Variants in HECTD4 observed in about 807,000 individuals in gnomAD.
HECTD4 encodes the protein probable E3 ubiquitin-protein ligase HECTD4.
Under a neutral mutation model 471.5 loss-of-function variants are expected in HECTD4, and 114 were observed. The observed-to-expected ratio is 0.24, with a 90% CI of 0.21 to 0.28. HECTD4 has a LOEUF of 0.28. Ranked by LOEUF, HECTD4 falls within the 10% of genes least tolerant of loss-of-function variation. The pLI, the probability that HECTD4 is intolerant of heterozygous loss-of-function variation, is 1.00. For missense variants in HECTD4, 3,866 were observed against 5,651.5 expected, an observed-to-expected ratio of 0.68 and a Z score of 10.13; for synonymous variants, 2,012 against 2,256.0, an observed-to-expected ratio of 0.89 and a Z score of 3.07.
At chr12:112,372,767 G>GT (rs1408728745) in intron 1 of HECTD4, among the ~76,000 whole-genome samples, 2 of 151,488 alleles carry the variant, frequency 1.3e-5, no homozygotes, top group Admixed American at 6.6e-5. Flanking sequence ...TTTTTGTTTG[G>GT]TTTTTTTGAG....
At chr12:112,198,055 G>C (rs548161950) in intron 55 of HECTD4, among the ~76,000 whole-genome samples, 1 of 152,232 alleles carries the variant, frequency 6.6e-6, no homozygotes, top group African/African-American at 2.4e-5. Flanking sequence ...GGCTGGTTTT[G>C]AACTCCTGGC....
At position 112,319,569 on chromosome 12, in the gene HECTD4, A is replaced by G; in HGVS notation, c.351T>C (p.Ser117=). ...GGGCCAAAGTTTCCTCATCACCTGA[A>G]CTTTCCCTTTCATGCTGTTCTTCTA... The part of the protein sequence containing the change: ...LALEEQHERE[S]SGDEETLALL... Residue 117 remains serine, a synonymous_variant, in exon 2 of 76, where the codon AGT becomes AGC. Coordinates refer to ENST00000682272, the MANE Select transcript of HECTD4 (RefSeq NM_001388303.1). The surrounding 1 kb of genome is among the most constrained non-coding windows in gnomAD (Gnocchi z 5.3). The G allele has an allele frequency of 7.0e-7, 1 of 1,434,422 alleles. No individual in the cohort carries two copies. Among genetic ancestry groups the G allele is most frequent in the South Asian group, 1.5e-5 (1 of 66,576 alleles). 88.9% of individuals were successfully genotyped at this position (1,434,422 alleles called of 1,614,324 possible). A position where few individuals can be genotyped will look rare whatever the true frequency, so the allele number is the denominator to read the frequency against.
chr12:112,328,012 A>G (rs2035779850), intron 1 of HECTD4, among the ~76,000 whole-genome samples: 1 of 152,210 alleles, frequency 6.6e-6, no homozygotes, highest in Non-Finnish European at 1.5e-5. Flanking sequence ...ACATTAACCA[A>G]TTCAATTCAT....
chr12:112,282,772 ACTG>A (rs1194331670), intron 8 of HECTD4, among the ~76,000 whole-genome samples: 1 of 152,232 alleles, frequency 6.6e-6, no homozygotes, highest in Non-Finnish European at 1.5e-5. Flanking sequence ...CTTGGTCAAG[ACTG>A]TATTTAGGGA....
At position 112,228,320 on chromosome 12, in the gene HECTD4, A is replaced by C. The variant is rs2033292953; in HGVS notation, c.6685-62T>G. 7.0e-7 allele frequency: 1 copy of C among 1,428,968 alleles called. No homozygotes were observed. Among genetic ancestry groups the C allele is most frequent in the East Asian group, 2.6e-5 (1 of 38,684 alleles). 88.5% of individuals were successfully genotyped at this position (1,428,968 alleles called of 1,614,324 possible). A position where few individuals can be genotyped will look rare whatever the true frequency, so the allele number is the denominator to read the frequency against. ...TCAAGTAGTTAGTTTATAAGAAATG[A>C]GGGTGTTATTATTATCTGGAGTTAA... On this transcript the variant is annotated intron_variant, in intron 42 of 75. Transcript: ENST00000682272. This position sits in a 1 kb window ranked among gnomAD's most constrained non-coding sequence, Gnocchi z 4.9.
intron 1 of HECTD4, among the ~76,000 whole-genome samples, chr12:112,329,670 T>C (rs1029604344): frequency 2.6e-5 from 4 of 152,220 alleles, no homozygotes; most frequent in African/African-American, 9.7e-5. Flanking sequence ...ACTTGGCCTA[T>C]TGATTTGTTT....
At chr12:112,185,973 G>A (rs1252219441) in intron 60 of HECTD4, among the ~76,000 whole-genome samples, 7 of 152,094 alleles carry the variant, frequency 4.6e-5, no homozygotes, top group Non-Finnish European at 8.8e-5. Context: ...TTACTTTGAG[G>A]GTGGCATTAT....
chr12:112,287,235 A>G (rs2034772252), intron 7 of HECTD4, among the ~76,000 whole-genome samples: 1 of 152,168 alleles, frequency 6.6e-6, no homozygotes, highest in Admixed American at 6.5e-5. Context: ...AGCTGAAATT[A>G]TTTTGTTCTT....
intron 7 of HECTD4, among the ~76,000 whole-genome samples, chr12:112,288,458 A>G (rs2034804395): frequency 6.6e-6 from 1 of 151,874 alleles, no homozygotes; most frequent in Admixed American, 6.6e-5. Context: ...TCAGTCTATA[A>G]AAAAAATATA....
At position 112,200,650 on chromosome 12, in the gene HECTD4, A is replaced by G; in HGVS notation, c.8555T>C (p.Leu2852Pro). 2.5e-6 allele frequency: 4 copies of G among 1,609,922 alleles called. No homozygotes were observed. Among genetic ancestry groups the G allele is most frequent in the Non-Finnish European group, 3.4e-6 (4 of 1,177,518 alleles). The change falls in exon 55 of 76, where the codon CTT (leucine) becomes CCT (proline). Residue 2852 changes from leucine to proline, a missense_variant. Physicochemically the swap from Leu to Pro is moderately conservative, Grantham distance 98. Around this residue, in one of 16 missense-constraint regions of HECTD4, gnomAD observed 266 missense variants for 441.6 expected, o/e 0.60. Coordinates refer to ENST00000682272, the MANE Select transcript of HECTD4 (RefSeq NM_001388303.1). ...NGLVTLDNTN[L>P]QIHRELLRCE... ...GGCCCAATTGTACCTGTGAATTTGAAGGTTGGTATTGTCCAGTGTGACCAG... is the reference window on the plus strand; with the variant it reads ...GGCCCAATTGTACCTGTGAATTTGAGGGTTGGTATTGTCCAGTGTGACCAG...
chr12:112,239,014 G>T lies in HECTD4; in HGVS notation c.5290+38C>A. 1 of 1,550,962 alleles carries T rather than the reference G, an allele frequency of 6.4e-7. No individual in the cohort carries two copies. On this transcript the variant is annotated intron_variant, in intron 34 of 75. Transcript: ENST00000682272. This position sits in a 1 kb window ranked among gnomAD's most constrained non-coding sequence, Gnocchi z 4.9. ...CCAATAAACTAACACACCAATAGAA[G>T]AAATCAGTGAGCTCTAGAAAGGAGT...
At position 112,179,479 on chromosome 12, in the gene HECTD4, C is replaced by T; in HGVS notation, c.10988-82G>A. 7.9e-7 allele frequency: 1 copy of T among 1,266,704 alleles called. No individual in the cohort carries two copies. The highest frequency in any genetic ancestry group is 1.1e-6 in the Non-Finnish European group (1 of 895,136). The allele number at this position is 1,266,704 out of a possible 1,614,324, so 78.5% of individuals were successfully genotyped here. A position where few individuals can be genotyped will look rare whatever the true frequency, so the allele number is the denominator to read the frequency against. ...CCTGCGAGCATTCTGTTTCCAAACA[C>T]TGTTTGAAAGGGGCAGTGGATGGAC... On this transcript the variant is annotated intron_variant, in intron 62 of 75. Transcript: ENST00000682272. The surrounding 1 kb of genome is among the most constrained non-coding windows in gnomAD (Gnocchi z 4.3).
chr12:112,244,961 G>A (rs2033725754), intron 29 of HECTD4, among the ~76,000 whole-genome samples: 1 of 151,976 alleles, frequency 6.6e-6, no homozygotes, highest in African/African-American at 2.4e-5. Context: ...TGTTGAGAAA[G>A]TGCAGGAAAA....
At chr12:112,186,585 C>T (rs1451136211) in intron 60 of HECTD4, among the ~76,000 whole-genome samples, 6 of 151,680 alleles carry the variant, frequency 4.0e-5, no homozygotes, top group African/African-American at 1.2e-4. Flanking sequence ...GTGATCCACC[C>T]GCCTCAGTCT....
intron 67 of HECTD4, 190 bp from the exon 68 acceptor site, chr12:112,171,453 G>A (rs555362964): frequency 1.2e-5 from 11 of 893,106 alleles, no homozygotes; most frequent in African/African-American, 3.4e-5. Context: ...CACAAAGGGC[G>A]AGGGCCTGGC....
Position 112,185,342 on chromosome 12 carries a change from G to A in HECTD4, c.9624C>T (p.Cys3208=), listed in dbSNP as rs372730694. Residue 3208 remains cysteine (C), a synonymous_variant, in exon 61 of 76, where the codon TGC becomes TGT. Coordinates refer to ENST00000682272, the MANE Select transcript of HECTD4 (RefSeq NM_001388303.1). ...SSSIALQLNP[C]LAMLMALQSE... is the part of the protein sequence containing the mutation. Reference sequence around the variant, plus strand: ...ACTGCAAGGCCATCAGCATGGCCAGGCAGGGGTTCAGCTGGAGGGCGATTG... The same window carrying A: ...ACTGCAAGGCCATCAGCATGGCCAGACAGGGGTTCAGCTGGAGGGCGATTG... 11 of 1,598,602 alleles carry A rather than the reference G, an allele frequency of 6.9e-6. No homozygotes were observed. The African/African-American group carries it at 8.0e-5, about 12-fold the overall frequency.
intron 52 of HECTD4, among the ~76,000 whole-genome samples, chr12:112,206,128 A>G (rs1177488894): frequency 6.6e-6 from 1 of 152,210 alleles, no homozygotes; most frequent in Non-Finnish European, 1.5e-5. Context: ...ATGGGAGGAA[A>G]GCAAAATGGG....
At chr12:112,296,203 A>G (rs994529207) in intron 7 of HECTD4, among the ~76,000 whole-genome samples, 6 of 137,410 alleles carry the variant, frequency 4.4e-5, no homozygotes, top group African/African-American at 1.6e-4. Context: ...CAGTGGATGT[A>G]GGTGCAGACA....
At chr12:112,310,125 A>T (rs2035344961) in intron 4 of HECTD4, among the ~76,000 whole-genome samples, 2 of 152,180 alleles carry the variant, frequency 1.3e-5, no homozygotes, top group Non-Finnish European at 2.9e-5. Flanking sequence ...CAGTTTCTTC[A>T]TCTGTAAGAT....
Sources: allele counts gnomAD v4.1 joint callset (sites outside exome capture counted in the v4.1 genomes callset), GRCh38; gene constraint gnomAD v4.1.1; regional missense constraint gnomAD v4.1.1; non-coding constraint Gnocchi (gnomAD v3.1); transcripts MANE v1.5; gene names NCBI Gene and HGNC (gene_info 2026-07-23, HGNC 2026-07-21).